AGAP1: variants seen among roughly 807,000 people sequenced by gnomAD.
The protein encoded by AGAP1 is ArfGAP with GTPase domain, ankyrin repeat and PH domain 1.
Under a neutral mutation model 105.3 loss-of-function variants are expected in AGAP1, and 29 were observed. That is an observed-to-expected ratio of 0.28 (90% CI 0.21 to 0.38). The LOEUF (loss-of-function observed/expected upper bound fraction) is 0.38, where lower values mean the gene tolerates loss of function less well. AGAP1 is among the 10% of genes least tolerant of loss of function. AGAP1 has a pLI of 1.00. For missense variants in AGAP1, 998 were observed against 1,165.1 expected, an observed-to-expected ratio of 0.86 and a Z score of 2.09; for synonymous variants, 509 against 485.9, an observed-to-expected ratio of 1.05 and a Z score of -0.63.
intron 9 of AGAP1, among the ~76,000 whole-genome samples, chr2:235,839,468 C>T (rs151194926): frequency 9.2e-5 from 14 of 152,280 alleles, no homozygotes; most frequent in African/African-American, 3.1e-4. Context: ...AAAAGCAAGC[C>T]GGGCACAGTA....
rs915120732 is a variant in AGAP1 at position 236,109,367 on chromosome 2, C to A, written c.2115-10825C>A. On this transcript the variant is annotated intron_variant, in intron 16 of 17. Coordinates refer to ENST00000304032, the MANE Select transcript of AGAP1 (RefSeq NM_001037131.3). This position sits in a 1 kb window ranked among gnomAD's most constrained non-coding sequence, Gnocchi z 5.4. Reference sequence around the variant, plus strand: ...CTTGCCTTTTCCTTTTAGTGATCTCCTTTCTCTTCATTCTAAAATTCCATG... The same window carrying A: ...CTTGCCTTTTCCTTTTAGTGATCTCATTTCTCTTCATTCTAAAATTCCATG... Among the ~76,000 whole-genome samples, 2 of 152,062 alleles carry A rather than the reference C, an allele frequency of 1.3e-5. No individual in the cohort carries two copies. Among genetic ancestry groups the A allele is most frequent in the Non-Finnish European group, 2.9e-5 (2 of 68,038 alleles).
rs1056429719 is a variant in AGAP1, at chr2:236,078,751, C to T, written c.2114+29470C>T. Among the ~76,000 whole-genome samples the T allele has an allele frequency of 6.6e-6, 1 of 152,192 alleles. No individual in the cohort carries two copies. The highest frequency in any genetic ancestry group is 6.5e-5 in the Admixed American group (1 of 15,278). ...GGGACCCAAGTCCACCCTCTGGCCC[C>T]TTCTCCCTGTAGGATTCCTAAGCTT... On this transcript the variant is annotated intron_variant, in intron 16 of 17. Coordinates refer to ENST00000304032, the MANE Select transcript of AGAP1 (RefSeq NM_001037131.3). The surrounding 1 kb of genome is among the most constrained non-coding windows in gnomAD (Gnocchi z 5.3).
chr2:235,831,496 A>G (rs1291236724), intron 9 of AGAP1, among the ~76,000 whole-genome samples: 1 of 152,200 alleles, frequency 6.6e-6, no homozygotes, highest in Non-Finnish European at 1.5e-5. Flanking sequence ...ACCGCCTGAA[A>G]TCACAGATCT....
At position 236,055,555 on chromosome 2, in the gene AGAP1, G is replaced by A. The variant is rs934346948; in HGVS notation, c.2114+6274G>A. ...GAATTTCTGTCACCGCGGCGTGCTT[G>A]TCAGTGGGCCTGCCCTGGCCCCAGC... On this transcript the variant is annotated intron_variant, in intron 16 of 17. Transcript: ENST00000304032. The surrounding 1 kb of genome is among the most constrained non-coding windows in gnomAD (Gnocchi z 6.2). 6.6e-6 allele frequency among the ~76,000 whole-genome samples: 1 copy of A among 152,248 alleles called. No individual in the cohort carries two copies. Among genetic ancestry groups the A allele is most frequent in the Non-Finnish European group, 1.5e-5 (1 of 68,046 alleles).
At position 235,910,294 on chromosome 2, in the gene AGAP1, G is replaced by T. The variant is rs79249874; in HGVS notation, c.1324+1388G>T. 8.0e-4 allele frequency among the ~76,000 whole-genome samples: 5 copies of T among 6,250 alleles called. No individual in the cohort carries two copies. In the East Asian group the frequency reaches 0.25, roughly 312 times the overall value. The allele number at this position is 6,250 out of a possible 152,430, so 4.1% of individuals were successfully genotyped here. On this transcript the variant is annotated intron_variant, in intron 11 of 17. Coordinates refer to ENST00000304032, the MANE Select transcript of AGAP1 (RefSeq NM_001037131.3). ...CCTGGCCTGCCTGTGTTGCAGGGGG[G>T]CGGTGTCAGAGGAGACAACATGAAA...
At chr2:235,894,421 C>A (rs1319613449) in intron 10 of AGAP1, among the ~76,000 whole-genome samples, 1 of 152,182 alleles carries the variant, frequency 6.6e-6, no homozygotes, top group South Asian at 2.1e-4. Context: ...TCTGGCCCTT[C>A]AAGCCAGTGG....
At chr2:235,899,597 G>T (rs1170567740) in intron 10 of AGAP1, among the ~76,000 whole-genome samples, 1 of 152,224 alleles carries the variant, frequency 6.6e-6, no homozygotes, top group East Asian at 1.9e-4. Flanking sequence ...AAGAGACCCA[G>T]ACAGGCAGTA....
In AGAP1 at chr2:235,983,846, G is replaced by A. The variant is rs564066446; in HGVS notation, c.1645+15223G>A. Among the ~76,000 whole-genome samples the A allele has an allele frequency of 3.3e-5, 5 of 152,292 alleles. No individual in the cohort carries two copies. Among genetic ancestry groups the A allele is most frequent in the East Asian group, 1.9e-4 (1 of 5,184 alleles). On this transcript the variant is annotated intron_variant, in intron 13 of 17. Coordinates refer to ENST00000304032, the MANE Select transcript of AGAP1 (RefSeq NM_001037131.3). This position sits in a 1 kb window ranked among gnomAD's most constrained non-coding sequence, Gnocchi z 4.5. ...GTGATGGTCACACAATGACAAAATC[G>A]CCTAACGACACATTTCTCAGAATGC...
Position 236,000,459 on chromosome 2 carries a change from G to T in AGAP1, c.1645+31836G>T, listed in dbSNP as rs1036521260. On this transcript the variant is annotated intron_variant, in intron 13 of 17. Transcript: ENST00000304032. This position sits in a 1 kb window ranked among gnomAD's most constrained non-coding sequence, Gnocchi z 4.3. ...AATAATAAACAGTTGTTCAGAGACAGTGGTACTGCGTCCCCCTCCTCCAGT... is the reference window on the plus strand; with the variant it reads ...AATAATAAACAGTTGTTCAGAGACATTGGTACTGCGTCCCCCTCCTCCAGT... 1.1e-4 allele frequency among the ~76,000 whole-genome samples: 17 copies of T among 152,198 alleles called. No individual in the cohort carries two copies. Among genetic ancestry groups the T allele is most frequent in the Non-Finnish European group, 2.4e-4 (16 of 68,044 alleles).
intron 1 of AGAP1, among the ~76,000 whole-genome samples, chr2:235,585,144 C>T (rs1225610240): frequency 6.6e-6 from 1 of 152,028 alleles, no homozygotes; most frequent in East Asian, 1.9e-4. Context: ...AACAAATTAC[C>T]ACACACTAAG....
rs956020613 is a variant in AGAP1 at position 235,714,626 on chromosome 2, G to A, written c.223-2931G>A. On this transcript the variant is annotated intron_variant, in intron 2 of 17. Coordinates refer to ENST00000304032, the MANE Select transcript of AGAP1 (RefSeq NM_001037131.3). This position sits in a 1 kb window ranked among gnomAD's most constrained non-coding sequence, Gnocchi z 4.1. ...CATAGGTTTTAGAAAGGCCACTCTG[G>A]CTGATGAGTAGAGAGTGGGAGCGGC... 1.3e-5 allele frequency among the ~76,000 whole-genome samples: 2 copies of A among 151,810 alleles called. No homozygotes were observed. The highest frequency in any genetic ancestry group is 4.8e-5 in the African/African-American group (2 of 41,322).
At chr2:235,529,170 G>A (rs1436338058) in intron 1 of AGAP1, among the ~76,000 whole-genome samples, 2 of 152,162 alleles carry the variant, frequency 1.3e-5, no homozygotes, top group African/African-American at 2.4e-5. Flanking sequence ...AGCCCCTGTG[G>A]CCAGGCAAGT....
intron 6 of AGAP1, among the ~76,000 whole-genome samples, chr2:235,759,355 G>A (rs547225199): frequency 1.3e-5 from 2 of 151,134 alleles, no homozygotes; most frequent in Non-Finnish European, 3.0e-5. Context: ...ATTTTTAGTA[G>A]AGACGGGCTT....
intron 1 of AGAP1, among the ~76,000 whole-genome samples, chr2:235,685,914 T>C (rs369382732): frequency 6.6e-6 from 1 of 152,064 alleles, no homozygotes; most frequent in African/African-American, 2.4e-5. Flanking sequence ...AAATAAACAT[T>C]GGTTAGGTCC....
chr2:235,836,560 C>T (rs958201925), intron 9 of AGAP1, among the ~76,000 whole-genome samples: 12 of 152,294 alleles, frequency 7.9e-5, no homozygotes, highest in African/African-American at 2.4e-4. Flanking sequence ...TGCTGCAAGG[C>T]GCTTAGCCGG....
chr2:235,528,892 TCTCAAA>T (rs1351007749), intron 1 of AGAP1, among the ~76,000 whole-genome samples: 7 of 152,102 alleles, frequency 4.6e-5, no homozygotes, highest in Non-Finnish European at 8.8e-5. Flanking sequence ...GGTCAGCTGG[TCTCAAA>T]CTCCTGACCT....
Position 235,538,460 on chromosome 2 carries a change from T to TGTGTGTGC in AGAP1, c.163+43612_163+43613insTGTGTGCG, listed in dbSNP as rs1553561884. ...GTGTGTGTGTGTGTGTGTGTGTGTG[T>TGTGTGTGC]GCATGCTTGTACGCCTGTGCACAGA... On this transcript the variant is annotated intron_variant, in intron 1 of 17. Transcript: ENST00000304032. Among the ~76,000 whole-genome samples, 495 of 150,548 alleles carry TGTGTGTGC rather than the reference T, an allele frequency of 3.3e-3. 6 individuals are homozygous for TGTGTGTGC. The highest frequency in any genetic ancestry group is 0.011 in the African/African-American group (422 of 40,188).
At position 236,062,718 on chromosome 2, in the gene AGAP1, G is replaced by C. The variant is rs2058236470; in HGVS notation, c.2114+13437G>C. Among the ~76,000 whole-genome samples, 1 of 152,170 alleles carries C rather than the reference G, an allele frequency of 6.6e-6. No individual in the cohort carries two copies. The highest frequency in any genetic ancestry group is 2.1e-4 in the South Asian group (1 of 4,830). ...ACTCTGTCACCCAGGCTGGAGTGCAGTGGAGCAATCTTGGCTCACTGCAAC... is the reference window on the plus strand; with the variant it reads ...ACTCTGTCACCCAGGCTGGAGTGCACTGGAGCAATCTTGGCTCACTGCAAC... On this transcript the variant is annotated intron_variant, in intron 16 of 17. Coordinates refer to ENST00000304032, the MANE Select transcript of AGAP1 (RefSeq NM_001037131.3). This position sits in a 1 kb window ranked among gnomAD's most constrained non-coding sequence, Gnocchi z 4.2.
intron 5 of AGAP1, among the ~76,000 whole-genome samples, chr2:235,748,077 C>T (rs1201724388): frequency 1.3e-5 from 2 of 152,238 alleles, no homozygotes; most frequent in Non-Finnish European, 1.5e-5. Flanking sequence ...GTTTTAAAGA[C>T]TTGCAAATTA....
Sources: allele counts gnomAD v4.1 joint callset (sites outside exome capture counted in the v4.1 genomes callset), GRCh38; gene constraint gnomAD v4.1.1; non-coding constraint Gnocchi (gnomAD v3.1); transcripts MANE v1.5; gene names NCBI Gene and HGNC (gene_info 2026-07-23, HGNC 2026-07-21).